Variants in CTBP2 observed in about 807,000 individuals in gnomAD.
CTBP2 encodes C-terminal binding protein 2.
In CTBP2, 30 loss-of-function variants were observed where a neutral mutation model predicts 80.3. The ratio of observed to expected loss-of-function variants is 0.37; its 90% CI spans 0.28 to 0.51. The LOEUF (loss-of-function observed/expected upper bound fraction) is 0.51, where lower values mean the gene tolerates loss of function less well. Ranked by LOEUF, CTBP2 falls within the 20% of genes least tolerant of loss-of-function variation. The probability of loss-of-function intolerance (pLI) is 0.93; values close to 1 mark genes in which losing one functional copy is unlikely to be tolerated. For missense variants in CTBP2, 1,212 were observed against 1,375.3 expected (o/e 0.88, Z 1.88); for synonymous variants, 594 against 587.4 (o/e 1.01, Z -0.16).
rs577669486 is a variant in CTBP2, at chr10:125,126,936, C to T, written c.-205-15843G>A. Among the ~76,000 whole-genome samples the T allele has an allele frequency of 5.0e-4, 76 of 152,200 alleles. No homozygotes were observed. In the South Asian group the frequency reaches 0.015, roughly 31 times the overall value. On this transcript the variant is annotated intron_variant, in intron 1 of 10. Coordinates refer to the CTBP2 transcript ENST00000337195. The stretch of plus-strand genomic sequence containing the variant: ...ATACACACACACATTCTCTCTCTCT[C>T]TCTCTCTCTCTCTACTCTACTCTGT...
chr10:125,151,965 G>A (rs1860002358), intron 1 of CTBP2, among the ~76,000 whole-genome samples: 1 of 152,164 alleles, frequency 6.6e-6, no homozygotes, highest in Admixed American at 6.5e-5. Context: ...CGACTTCCCC[G>A]CGGCGGGAAG....
In CTBP2 at chr10:124,989,349, C is replaced by T. The variant is rs75079187; in HGVS notation, c.*169G>A. The T allele has an allele frequency of 1.4e-5, 11 of 764,750 alleles. No individual in the cohort carries two copies. The highest frequency in any genetic ancestry group is 5.1e-5 in the African/African-American group (3 of 58,290). 47.4% of individuals were successfully genotyped at this position (764,750 alleles called of 1,614,324 possible). A position where few individuals can be genotyped will look rare whatever the true frequency, so the allele number is the denominator to read the frequency against. ...GTCTTTCAGCGCTTCCGTAAGCAGA[C>T]GACATCTTCAGTTTTCTAGCTCTTG... On this transcript the variant is annotated 3_prime_UTR_variant, in exon 9 of 9. Transcript: ENST00000309035.
intron 1 of CTBP2, chr10:125,005,443 T>C: frequency 1.7e-6 from 2 of 1,145,570 alleles, no homozygotes; most frequent in Non-Finnish European, 2.5e-6. Context: ...CCAAACAGGG[T>C]GTCCGCATGG....
intron 1 of CTBP2, among the ~76,000 whole-genome samples, chr10:125,116,179 T>G (rs773007534): frequency 6.6e-6 from 1 of 152,234 alleles, no homozygotes; most frequent in Non-Finnish European, 1.5e-5. Flanking sequence ...CGCCCCACTG[T>G]TGCCCAAACC....
chr10:125,118,433 CG>C (rs1373345883), intron 1 of CTBP2, among the ~76,000 whole-genome samples: 2 of 152,302 alleles, frequency 1.3e-5, no homozygotes, highest in African/African-American at 4.8e-5. Context: ...TGCTGCTGAT[CG>C]GGGCTGCCAT....
intron 1 of CTBP2, among the ~76,000 whole-genome samples, chr10:125,132,651 T>A (rs568046711): frequency 6.6e-6 from 1 of 152,284 alleles, no homozygotes; most frequent in East Asian, 1.9e-4. Flanking sequence ...CCGTACAGAC[T>A]GCATCAAATG....
At position 125,027,567 on chromosome 10, in the gene CTBP2, C is replaced by A. The variant is rs201944728; in HGVS notation, c.193G>T (p.Ala65Ser). 1.9e-6 allele frequency: 3 copies of A among 1,614,118 alleles called. No individual in the cohort carries two copies. The Admixed American group carries it at 5.0e-5, about 27-fold the overall frequency. Residue 65 changes from alanine to serine, a missense_variant, in exon 1 of 9, where the codon GCC (alanine) becomes TCC (serine). This residue lies in a region of CTBP2 where 848 missense variants were observed against 782.3 expected (regional missense o/e 1.08). Transcript: ENST00000309035. ...TCCCGGTACAGGTAGGGCTCGGCGG[C>A]CACGGGCAGGGCAGCGTCCTGTGGT...
chr10:125,138,484 G>C (rs752730353), intron 1 of CTBP2, among the ~76,000 whole-genome samples: 20 of 152,288 alleles, frequency 1.3e-4, no homozygotes, highest in Admixed American at 3.9e-4. Flanking sequence ...AACAGCGGAA[G>C]ATGGACAGTC....
intron 1 of CTBP2, among the ~76,000 whole-genome samples, chr10:125,140,820 C>CA (rs879725263): frequency 6.0e-5 from 9 of 150,988 alleles, no homozygotes; most frequent in Admixed American, 2.0e-4. Flanking sequence ...GACCCTGTGT[C>CA]AAAAAAACAA....
At chr10:125,086,392 C>T (rs576895294) in intron 2 of CTBP2, among the ~76,000 whole-genome samples, 12 of 152,080 alleles carry the variant, frequency 7.9e-5, no homozygotes, top group East Asian at 1.9e-4. Context: ...ATTTGTCGAG[C>T]GTGGTAAACT....
chr10:125,118,369 T>C (rs1265238567), intron 1 of CTBP2, among the ~76,000 whole-genome samples: 1 of 152,144 alleles, frequency 6.6e-6, no homozygotes, highest in Admixed American at 6.5e-5. Context: ...GAATGCCAGA[T>C]GGGAGTCCTG....
chr10:125,102,831 G>A (rs1469292542), intron 2 of CTBP2, among the ~76,000 whole-genome samples: 1 of 152,170 alleles, frequency 6.6e-6, no homozygotes, highest in Non-Finnish European at 1.5e-5. Flanking sequence ...TTGTCTCGAG[G>A]GACCCAGGCC....
chr10:125,092,756 C>T (rs1264684844), intron 2 of CTBP2, among the ~76,000 whole-genome samples: 1 of 152,226 alleles, frequency 6.6e-6, no homozygotes, highest in African/African-American at 2.4e-5. Flanking sequence ...TTGGGCCACA[C>T]TGTTTCTTCC....
chr10:125,098,700 G>GAGAGACAGAGAGAGAGAGAGAGAGAC (rs1564914056), intron 2 of CTBP2, among the ~76,000 whole-genome samples: 1 of 84,902 alleles, frequency 1.2e-5, no homozygotes, highest in Admixed American at 1.3e-4. Flanking sequence ...GAGAGAGAGA[G>GAGAGACAGAGAGAGAGAGAGAGAGAC]AGAGAGACAG....
intron 1 of CTBP2, among the ~76,000 whole-genome samples, chr10:125,139,422 C>T (rs527566950): frequency 1.6e-4 from 24 of 150,664 alleles, no homozygotes; most frequent in Non-Finnish European, 2.5e-4. Flanking sequence ...TATAATTATT[C>T]CACCAAATTA....
At chr10:125,077,968 T>G (rs1385441741) in intron 2 of CTBP2, among the ~76,000 whole-genome samples, 1 of 152,160 alleles carries the variant, frequency 6.6e-6, no homozygotes, top group African/African-American at 2.4e-5. Flanking sequence ...CTCTGACCCC[T>G]TCATCACAAT....
At chr10:125,146,790 A>T (rs1858865418) in intron 1 of CTBP2, among the ~76,000 whole-genome samples, 1 of 152,082 alleles carries the variant, frequency 6.6e-6, no homozygotes, top group African/African-American at 2.4e-5. Context: ...TGGAGAAAAG[A>T]TATTTGAACA....
rs1851335174 is a variant in CTBP2, at chr10:125,105,636, T to G, written c.-102+5354A>C. Among the ~76,000 whole-genome samples, 4 of 152,236 alleles carry G rather than the reference T, an allele frequency of 2.6e-5. 1 individual carries two copies. In the South Asian group the frequency reaches 8.3e-4, roughly 32 times the overall value. ...GCTTCAGTGAAATGCTGTGTGTCCTTCCATAAAGACCAACTGAAACTGCTT... is the reference window on the plus strand; with the variant it reads ...GCTTCAGTGAAATGCTGTGTGTCCTGCCATAAAGACCAACTGAAACTGCTT... On this transcript the variant is annotated intron_variant, in intron 2 of 10. Coordinates refer to the CTBP2 transcript ENST00000337195.
At chr10:125,060,520 C>T (rs555971075) in intron 2 of CTBP2, among the ~76,000 whole-genome samples, 24 of 150,304 alleles carry the variant, frequency 1.6e-4, no homozygotes, top group Non-Finnish European at 3.0e-4. Flanking sequence ...GTGTCTGTTG[C>T]GGCTTACCTG....
Sources: allele counts gnomAD v4.1 joint callset (sites outside exome capture counted in the v4.1 genomes callset), GRCh38; gene constraint gnomAD v4.1.1; regional missense constraint gnomAD v4.1.1; transcripts MANE v1.5; gene names NCBI Gene and HGNC (gene_info 2026-07-23, HGNC 2026-07-21).